Variants in LRRTM4 observed in about 807,000 individuals in gnomAD.
LRRTM4 encodes the protein leucine rich repeat transmembrane neuronal 4, also known as leucine-rich repeat transmembrane neuronal protein 4.
A neutral mutation model predicts 47.6 loss-of-function variants in LRRTM4; 25 were observed. The observed-to-expected ratio is 0.53, with a 90% CI of 0.38 to 0.73. LRRTM4 has a LOEUF of 0.73. LRRTM4 is among the 30% of genes least tolerant of loss of function. LRRTM4 has a pLI of 0.00. For missense variants in LRRTM4, 638 were observed against 713.4 expected (o/e 0.89, Z 1.20); for synonymous variants, 311 against 269.5 (o/e 1.15, Z -1.51).
chr2:77,307,303 C>T (rs1677308288), intron 3 of LRRTM4, among the ~76,000 whole-genome samples: 1 of 151,490 alleles, frequency 6.6e-6, no homozygotes, highest in Non-Finnish European at 1.5e-5. Context: ...ACTTAGTAGT[C>T]ACATTTTTGC....
intron 3 of LRRTM4, among the ~76,000 whole-genome samples, chr2:77,359,207 G>C (rs1191577678): frequency 6.6e-6 from 1 of 151,914 alleles, no homozygotes; most frequent in South Asian, 2.1e-4. Context: ...TTATGTTCTT[G>C]TTTTATGACT....
rs72807273 is a variant in LRRTM4 at position 77,120,531 on chromosome 2, G to A, written c.1552-371615C>T. ...GAAATATTATAATAGTCATTTTAAAGAATTCAGAAATAAGCTACATAAGGT... is the reference window on the plus strand; with the variant it reads ...GAAATATTATAATAGTCATTTTAAAAAATTCAGAAATAAGCTACATAAGGT... On this transcript the variant is annotated intron_variant, in intron 3 of 3. Transcript: ENST00000409884. Among the ~76,000 whole-genome samples the A allele has an allele frequency of 6.4e-3, 979 of 151,810 alleles. 3 individuals are homozygous for A. The highest frequency in any genetic ancestry group is 0.011 in the South Asian group (54 of 4,820).
chr2:77,357,423 G>C (rs1462401427), intron 3 of LRRTM4, among the ~76,000 whole-genome samples: 1 of 152,054 alleles, frequency 6.6e-6, no homozygotes, highest in Admixed American at 6.6e-5. Flanking sequence ...TTTTACTTTG[G>C]TATTTTAATC....
At chr2:77,244,928 G>C (rs11887390) in intron 3 of LRRTM4, among the ~76,000 whole-genome samples, 83,069 of 151,874 alleles carry the variant, frequency 0.55, 23,088 homozygotes, top group African/African-American at 0.6. Context: ...TTTCCTGGTA[G>C]AGCCTTGATA....
At chr2:77,019,091 T>A (rs1678175154) in intron 3 of LRRTM4, among the ~76,000 whole-genome samples, 1 of 151,922 alleles carries the variant, frequency 6.6e-6, no homozygotes, top group Admixed American at 6.6e-5. Context: ...CACTTCACAG[T>A]GCTATATGAA....
chr2:77,437,098 AG>A (rs1041975558), intron 3 of LRRTM4, among the ~76,000 whole-genome samples: 7 of 152,044 alleles, frequency 4.6e-5, no homozygotes, highest in Non-Finnish European at 8.8e-5. Flanking sequence ...GAATTTGCTA[AG>A]GGTAGCCATT....
chr2:77,088,716 G>C lies in LRRTM4; in HGVS notation c.1552-339800C>G, dbSNP rs567269034. Among the ~76,000 whole-genome samples the C allele has an allele frequency of 1.4e-4, 21 of 152,266 alleles. No individual in the cohort carries two copies. The South Asian group carries it at 4.3e-3, about 32-fold the overall frequency. On this transcript the variant is annotated intron_variant, in intron 3 of 3. Transcript: ENST00000409884. ...TTGGATCAGGGGACTTCCCCTAGGA[G>C]ATCAATCCCCCGTCCTCCTGCTCTT...
At chr2:77,049,660 G>A (rs767417400) in intron 3 of LRRTM4, among the ~76,000 whole-genome samples, 1 of 150,946 alleles carries the variant, frequency 6.6e-6, no homozygotes, top group Admixed American at 6.6e-5. Context: ...TTGTTGACTT[G>A]CTTGAGTTTC....
chr2:77,019,836 C>T (rs1678204136), intron 3 of LRRTM4, among the ~76,000 whole-genome samples: 1 of 151,830 alleles, frequency 6.6e-6, no homozygotes, highest in South Asian at 2.1e-4. Flanking sequence ...GTAGCACTGG[C>T]TTTAGTACTG....
At chr2:77,029,592 C>CAATACTTGG (rs1343289731) in intron 3 of LRRTM4, among the ~76,000 whole-genome samples, 1 of 152,080 alleles carries the variant, frequency 6.6e-6, no homozygotes, top group Non-Finnish European at 1.5e-5. Context: ...CACTCAGGAA[C>CAATACTTGG]AATACTTGGT....
At chr2:76,868,905 C>A (rs1372380643) in intron 3 of LRRTM4, among the ~76,000 whole-genome samples, 4 of 152,076 alleles carry the variant, frequency 2.6e-5, no homozygotes, top group African/African-American at 9.7e-5. Flanking sequence ...TCCTGGCCAC[C>A]CTATTAAAAT....
chr2:76,952,875 C>T (rs924389957), intron 3 of LRRTM4, among the ~76,000 whole-genome samples: 1 of 151,852 alleles, frequency 6.6e-6, no homozygotes, highest in African/African-American at 2.4e-5. Context: ...ATATCATGTA[C>T]TTTGCAGCAG....
chr2:77,406,473 T>C (rs1002574567), intron 3 of LRRTM4, among the ~76,000 whole-genome samples: 2 of 151,918 alleles, frequency 1.3e-5, no homozygotes, highest in African/African-American at 4.8e-5. Context: ...TAATTTTTTG[T>C]TTTCCTTTTT....
chr2:76,860,995 G>C (rs1045719086), intron 3 of LRRTM4, among the ~76,000 whole-genome samples: 1 of 152,050 alleles, frequency 6.6e-6, no homozygotes, highest in Non-Finnish European at 1.5e-5. Context: ...AGTTGACTAA[G>C]ACAGTGATTA....
At chr2:76,926,986 G>A (rs1015436353) in intron 3 of LRRTM4, among the ~76,000 whole-genome samples, 13 of 152,162 alleles carry the variant, frequency 8.5e-5, no homozygotes, top group Admixed American at 2.0e-4. Flanking sequence ...GATGGTGAAT[G>A]AGGACATAAT....
intron 3 of LRRTM4, among the ~76,000 whole-genome samples, chr2:76,902,220 C>A (rs1019020258): frequency 6.6e-6 from 1 of 152,150 alleles, no homozygotes; most frequent in Non-Finnish European, 1.5e-5. Flanking sequence ...CTATTTTTTA[C>A]AGCACTCTGG....
intron 3 of LRRTM4, among the ~76,000 whole-genome samples, chr2:77,217,902 G>C (rs1416587917): frequency 1.3e-5 from 2 of 152,102 alleles, no homozygotes; most frequent in Non-Finnish European, 2.9e-5. Flanking sequence ...TGTCTTCTTT[G>C]TTGGCTACTA....
chr2:76,924,311 C>G (rs570108942), intron 3 of LRRTM4, among the ~76,000 whole-genome samples: 3 of 152,044 alleles, frequency 2.0e-5, no homozygotes, highest in Admixed American at 6.6e-5. Flanking sequence ...TTTTCCTCAA[C>G]TCTTCTCTTT....
intron 3 of LRRTM4, among the ~76,000 whole-genome samples, chr2:76,919,899 T>C (rs1281184796): frequency 1.3e-5 from 2 of 152,194 alleles, no homozygotes; most frequent in Non-Finnish European, 2.9e-5. Flanking sequence ...TTTAAACAGA[T>C]GCAACAGCTG....
Sources: gnomAD v4.1 joint callset for allele counts (sites outside exome capture counted in the v4.1 genomes callset) on GRCh38, gnomAD v4.1.1 for gene constraint, MANE v1.5 for transcripts, NCBI Gene and HGNC (gene_info 2026-07-23, HGNC 2026-07-21) for gene names.